Variants in IL12RB2 observed in about 807,000 individuals in gnomAD.
The protein encoded by IL12RB2 is interleukin-12 receptor subunit beta-2.
In IL12RB2, 82 loss-of-function variants were observed where a neutral mutation model predicts 89.4. The ratio of observed to expected loss-of-function variants is 0.92; its 90% confidence interval spans 0.77 to 1.10. IL12RB2 has a LOEUF of 1.10. IL12RB2 is among the 50% of genes least tolerant of loss of function. The pLI is 0.00. For missense variants in IL12RB2, 963 were observed against 1,031.9 expected (o/e 0.93, Z 0.92); for synonymous variants, 368 against 370.1 (o/e 0.99, Z 0.07).
At chr1:67,350,729 G>A (rs924059376) in intron 9 of IL12RB2, 141 bp from the exon 10 acceptor site, 3 of 1,516,850 alleles carry the variant, frequency 2.0e-6, no homozygotes, top group Non-Finnish European at 1.8e-6. Flanking sequence ...ATAAAAGTGT[G>A]TAGCAGGGAA....
intron 9 of IL12RB2, among the ~76,000 whole-genome samples, chr1:67,340,014 G>C (rs1198114398): frequency 7.2e-6 from 1 of 138,088 alleles, no homozygotes; most frequent in Non-Finnish European, 1.7e-5. Flanking sequence ...TTATGAATCT[G>C]AATGAGCACA....
intron 14 of IL12RB2, 26 bp from the exon 15 acceptor site, chr1:67,386,553 A>G (rs1189455848): frequency 6.7e-7 from 1 of 1,495,680 alleles, no homozygotes; most frequent in Admixed American, 1.7e-5. Context: ...TAACTCACTC[A>G]GTCACAGGAT....
chr1:67,379,730 G>A (rs1664380168), intron 13 of IL12RB2, among the ~76,000 whole-genome samples: 1 of 151,822 alleles, frequency 6.6e-6, no homozygotes, highest in African/African-American at 2.4e-5. Context: ...AAGAAAATTA[G>A]AAAATAAAGT....
intron 14 of IL12RB2, 84 bp from the exon 15 acceptor site, chr1:67,386,495 C>T: frequency 1.1e-6 from 1 of 925,620 alleles, no homozygotes; most frequent in East Asian, 2.4e-5. Context: ...GTGGGTAAGG[C>T]CCAGAGGGCG....
chr1:67,311,437 T>A (rs1185329901), intron 1 of IL12RB2, among the ~76,000 whole-genome samples: 1 of 152,244 alleles, frequency 6.6e-6, no homozygotes, highest in Non-Finnish European at 1.5e-5. Context: ...AATCCAATTC[T>A]GGATTTATGT....
chr1:67,315,192 G>A (rs1175713762), intron 2 of IL12RB2, among the ~76,000 whole-genome samples: 2 of 151,840 alleles, frequency 1.3e-5, no homozygotes, highest in Non-Finnish European at 2.9e-5. Flanking sequence ...AAATATGTAT[G>A]TTTATATAAT....
chr1:67,384,408 G>T (rs1302140509), intron 14 of IL12RB2, among the ~76,000 whole-genome samples: 1 of 152,210 alleles, frequency 6.6e-6, no homozygotes, highest in Non-Finnish European at 1.5e-5. Flanking sequence ...TCCCAAGGCT[G>T]CATACAGAAG....
intron 13 of IL12RB2, among the ~76,000 whole-genome samples, chr1:67,377,644 CA>C (rs1280858280): frequency 3.9e-5 from 6 of 152,050 alleles, no homozygotes; most frequent in African/African-American, 1.2e-4. Flanking sequence ...GAATGCTAAT[CA>C]AAGCCTCACA....
intron 16 of IL12RB2, among the ~76,000 whole-genome samples, chr1:67,390,392 C>T (rs1341820984): frequency 6.6e-6 from 1 of 151,814 alleles, no homozygotes; most frequent in Non-Finnish European, 1.5e-5. Flanking sequence ...CTTTCCCCTT[C>T]TCACCAAACT....
chr1:67,356,076 T>C (rs1392941448), intron 10 of IL12RB2, among the ~76,000 whole-genome samples: 1 of 152,024 alleles, frequency 6.6e-6, no homozygotes, highest in Non-Finnish European at 1.5e-5. Flanking sequence ...CAAAACAAAA[T>C]AAAAAGCCCA....
intron 13 of IL12RB2, among the ~76,000 whole-genome samples, chr1:67,375,103 C>T (rs1249839433): frequency 1.3e-5 from 2 of 151,910 alleles, no homozygotes; most frequent in Admixed American, 6.6e-5. Flanking sequence ...TAGAAAAGTA[C>T]ACAAAAGGAG....
chr1:67,307,925 T>A lies in IL12RB2; in HGVS notation c.-167T>A, dbSNP rs1654480934. ...GGCCCAGAGCACCGGGGCCACCCGGTCCCCGCAGGCCCGGGACCGCGCCCG... is the reference window on the plus strand; with the variant it reads ...GGCCCAGAGCACCGGGGCCACCCGGACCCCGCAGGCCCGGGACCGCGCCCG... On this transcript the variant is annotated 5_prime_UTR_variant, in exon 1 of 17. Transcript: ENST00000674203. The A allele has an allele frequency of 6.6e-6, 1 of 151,656 alleles. No homozygotes were observed. The highest frequency in any genetic ancestry group is 2.4e-5 in the African/African-American group (1 of 41,296). 9.4% of individuals were successfully genotyped at this position (151,656 alleles called of 1,614,324 possible).
intron 8 of IL12RB2, among the ~76,000 whole-genome samples, chr1:67,332,661 AT>A (rs1287658095): frequency 6.6e-5 from 10 of 152,158 alleles, no homozygotes; most frequent in Non-Finnish European, 4.4e-5. Flanking sequence ...AGTCAAAGTA[AT>A]TTTTTTAAAG....
At chr1:67,326,972 T>G in intron 5 of IL12RB2, 123 bp downstream of exon 5, 16 of 833,888 alleles carry the variant, frequency 1.9e-5, no homozygotes, top group Non-Finnish European at 2.4e-5. Context: ...TATTTATTTA[T>G]TTATTTTGAG....
At chr1:67,319,015 A>G (rs1173252143) in intron 2 of IL12RB2, among the ~76,000 whole-genome samples, 1 of 152,236 alleles carries the variant, frequency 6.6e-6, no homozygotes, top group African/African-American at 2.4e-5. Context: ...TGGCTAGGCT[A>G]GAGGTAGAGG....
chr1:67,395,314 A>G (rs1201512946), intron 16 of IL12RB2, among the ~76,000 whole-genome samples: 1 of 151,668 alleles, frequency 6.6e-6, no homozygotes, highest in Non-Finnish European at 1.5e-5. Flanking sequence ...AAGGTTGAGC[A>G]GGGCTGTGAA....
At chr1:67,352,609 T>C (rs1387511327) in intron 10 of IL12RB2, among the ~76,000 whole-genome samples, 1 of 152,166 alleles carries the variant, frequency 6.6e-6, no homozygotes, top group East Asian at 1.9e-4. Context: ...GCAGCAATGT[T>C]CCCTTGCTAA....
chr1:67,375,286 C>T lies in IL12RB2; in HGVS notation c.1717+2503C>T, dbSNP rs139595952. Among the ~76,000 whole-genome samples, 879 of 152,240 alleles carry T rather than the reference C, an allele frequency of 5.8e-3. 4 individuals are homozygous for T. The highest frequency in any genetic ancestry group is 0.02 in the African/African-American group (851 of 41,534). ...TGGTGTGTGCCTGCAATCCCAGCTA[C>T]TCAGGAGGCTGAGGTGTGAGGATCA... On this transcript the variant is annotated intron_variant, in intron 13 of 16. Transcript: ENST00000674203.
chr1:67,340,787 A>T (rs528070225), intron 9 of IL12RB2, among the ~76,000 whole-genome samples: 1 of 152,218 alleles, frequency 6.6e-6, no homozygotes, highest in Non-Finnish European at 1.5e-5. Flanking sequence ...TGCTTGGTAA[A>T]TGTGAGTATG....
Sources: allele counts gnomAD v4.1 joint callset (sites outside exome capture counted in the v4.1 genomes callset), GRCh38; gene constraint gnomAD v4.1.1; transcripts MANE v1.5; gene names NCBI Gene and HGNC (gene_info 2026-07-23, HGNC 2026-07-21).